Variants in AP4E1 observed in about 807,000 individuals in gnomAD.
AP4E1 encodes the protein AP-4 complex subunit epsilon-1.
In AP4E1, 56 loss-of-function variants were observed where a neutral mutation model predicts 128.2. The observed-to-expected ratio is 0.44, with a 90% CI of 0.35 to 0.55. The LOEUF (loss-of-function observed/expected upper bound fraction) is 0.55. AP4E1 is among the 20% of genes least tolerant of loss of function. The pLI is 0.00. For missense variants in AP4E1, 1,324 were observed against 1,307.7 expected, an observed-to-expected ratio of 1.01 and a Z score of -0.19; for synonymous variants, 484 against 473.1, an observed-to-expected ratio of 1.02 and a Z score of -0.30.
chr15:50,923,784 A>G, intron 3 of AP4E1, 147 bp from the exon 4 acceptor site: 1 of 646,454 alleles, frequency 1.5e-6, no homozygotes, highest in East Asian at 2.8e-5. Flanking sequence ...TTCCTTACTG[A>G]AGGTTTTTAA....
chr15:50,986,178 A>C (rs1336517244), intron 16 of AP4E1, among the ~76,000 whole-genome samples: 1 of 149,796 alleles, frequency 6.7e-6, no homozygotes, highest in East Asian at 2.0e-4. Context: ...ACTTTGCTGA[A>C]GTTGCTTATC....
In AP4E1 at chr15:50,929,175, T is replaced by C. The variant is rs779315997; in HGVS notation, c.702+7T>C. 1.2e-6 allele frequency: 2 copies of C among 1,613,460 alleles called. No homozygotes were observed. The highest frequency in any genetic ancestry group is 3.3e-5 in the Admixed American group (2 of 60,020). On this transcript the variant is annotated splice_region_variant and intron_variant, in intron 6 of 20. Coordinates refer to ENST00000261842, the MANE Select transcript of AP4E1 (RefSeq NM_007347.5). ...ATATCTTAGAATGATTAAGGTAAGT[T>C]GGAAATTTTAGCAAGTACTGAGTAG...
chr15:50,974,704 A>G (rs1462023899), intron 15 of AP4E1, among the ~76,000 whole-genome samples: 2 of 152,098 alleles, frequency 1.3e-5, no homozygotes, highest in East Asian at 3.9e-4. Flanking sequence ...TTCTTTGATA[A>G]TCACCATCCT....
At chr15:50,928,221 A>G (rs919580035) in intron 5 of AP4E1, among the ~76,000 whole-genome samples, 6 of 152,094 alleles carry the variant, frequency 3.9e-5, no homozygotes, top group African/African-American at 1.4e-4. Flanking sequence ...CCAGTGATAT[A>G]TATATATAAA....
chr15:50,921,694 A>G (rs954274990), intron 3 of AP4E1, among the ~76,000 whole-genome samples: 34 of 152,246 alleles, frequency 2.2e-4, no homozygotes, highest in African/African-American at 8.2e-4. Context: ...GCATAGGAAC[A>G]TAAGTCATAG....
intron 16 of AP4E1, among the ~76,000 whole-genome samples, chr15:50,987,968 A>G (rs946611134): frequency 6.6e-6 from 1 of 152,168 alleles, no homozygotes; most frequent in Admixed American, 6.5e-5. Flanking sequence ...CATATTATAT[A>G]TATATATTTA....
intron 15 of AP4E1, among the ~76,000 whole-genome samples, chr15:50,982,067 AAG>A (rs1454573547): frequency 6.9e-6 from 1 of 145,530 alleles, no homozygotes; most frequent in Non-Finnish European, 1.5e-5. Flanking sequence ...CTTGGGCAAT[AAG>A]AGCAAAACTC....
At chr15:50,945,584 T>C (rs1457367927) in intron 10 of AP4E1, 6 of 745,916 alleles carry the variant, frequency 8.0e-6, no homozygotes, top group Non-Finnish European at 1.2e-5. Context: ...GCTATTTGTA[T>C]CTTTCCTATA....
intron 13 of AP4E1, among the ~76,000 whole-genome samples, chr15:50,957,759 A>G (rs1485030920): frequency 6.8e-6 from 1 of 146,108 alleles, no homozygotes; most frequent in Non-Finnish European, 1.5e-5. Context: ...TCACTGCAAC[A>G]TCTGCCTCCC....
At chr15:50,967,072 A>G (rs907816431) in intron 14 of AP4E1, among the ~76,000 whole-genome samples, 1 of 151,914 alleles carries the variant, frequency 6.6e-6, no homozygotes, top group Admixed American at 6.6e-5. Context: ...ATCTCTTATC[A>G]TTTATTCATT....
chr15:50,956,271 A>G (rs1458269923), intron 13 of AP4E1, among the ~76,000 whole-genome samples: 1 of 152,170 alleles, frequency 6.6e-6, no homozygotes, highest in South Asian at 2.1e-4. Flanking sequence ...AAAAATTATC[A>G]TACTGTTTAA....
intron 14 of AP4E1, among the ~76,000 whole-genome samples, chr15:50,962,190 C>A (rs888124154): frequency 2.0e-5 from 3 of 151,962 alleles, no homozygotes; most frequent in Non-Finnish European, 2.9e-5. Flanking sequence ...CCATACTACT[C>A]AAACCAATCT....
Position 50,945,303 on chromosome 15 carries a change from T to C in AP4E1, c.1177-2717T>C, listed in dbSNP as rs2064043274. The C allele has an allele frequency of 3.8e-6, 3 of 781,600 alleles. No individual in the cohort carries two copies. In the South Asian group the frequency reaches 4.0e-5, roughly 10 times the overall value. The allele number at this position is 781,600 out of a possible 1,614,324, so 48.4% of individuals were successfully genotyped here. A position where few individuals can be genotyped will look rare whatever the true frequency, so the allele number is the denominator to read the frequency against. ...AATCGAGACATTTCTCTTGGGAAGT[T>C]TGTGCGTCTGACAGGAATATAGTAC... is the stretch of plus-strand genomic sequence containing the variant. On this transcript the variant is annotated intron_variant, in intron 10 of 20. Transcript: ENST00000261842.
chr15:50,967,434 C>T (rs1238675702), intron 14 of AP4E1, among the ~76,000 whole-genome samples: 1 of 152,162 alleles, frequency 6.6e-6, no homozygotes, highest in Non-Finnish European at 1.5e-5. Flanking sequence ...AATGATAGGG[C>T]CACAAATCAA....
intron 10 of AP4E1, chr15:50,944,983 A>T: frequency 3.9e-6 from 3 of 766,934 alleles, no homozygotes; most frequent in East Asian, 4.9e-5. Context: ...ATACAAGCAC[A>T]TGAAGGCTTT....
chr15:50,948,081 T>C lies in AP4E1; in HGVS notation c.1238T>C (p.Met413Thr), dbSNP rs1209189052. 6.2e-7 allele frequency: 1 copy of C among 1,613,230 alleles called. No homozygotes were observed. Among genetic ancestry groups the C allele is most frequent in the Non-Finnish European group, 8.5e-7 (1 of 1,179,412 alleles). Reference protein sequence around the residue: ...AQNITVIVQKMLEYLHQSKEE... With the variant: ...AQNITVIVQKTLEYLHQSKEE... ...AATATAACAGTTATTGTCCAGAAAA[T>C]GCTTGAATATTTACATCAGAGCAAA... Residue 413 changes from methionine (M) to threonine (T), a missense_variant, in exon 11 of 21, where the codon ATG becomes ACG. By Grantham distance (81) the Met-to-Thr change is moderately conservative. Coordinates refer to ENST00000261842, the MANE Select transcript of AP4E1 (RefSeq NM_007347.5).
At chr15:50,961,237 A>G (rs2064308571) in intron 14 of AP4E1, among the ~76,000 whole-genome samples, 1 of 152,000 alleles carries the variant, frequency 6.6e-6, no homozygotes, top group South Asian at 2.1e-4. Context: ...AGAGGAGGAC[A>G]TTCTTCCTAA....
chr15:50,931,363 T>G lies in AP4E1; in HGVS notation c.869+392T>G, dbSNP rs571933344. Among the ~76,000 whole-genome samples, 104 of 152,220 alleles carry G rather than the reference T, an allele frequency of 6.8e-4. 2 individuals carry two copies. Among genetic ancestry groups the G allele is most frequent in the African/African-American group, 2.4e-3 (101 of 41,530 alleles). On this transcript the variant is annotated intron_variant, in intron 7 of 20. Transcript: ENST00000261842. ...GTGGCGGATCACAAGGTCAGGAGTTTGAGACCAGCCTGACCAACATTGTGA... is the reference window on the plus strand; with the variant it reads ...GTGGCGGATCACAAGGTCAGGAGTTGGAGACCAGCCTGACCAACATTGTGA...
chr15:50,962,789 G>A (rs778252125), intron 14 of AP4E1, among the ~76,000 whole-genome samples: 1 of 143,718 alleles, frequency 7.0e-6, no homozygotes, highest in Non-Finnish European at 1.5e-5. Flanking sequence ...CACAGCAAAC[G>A]ATACAATCAA....
Sources: gnomAD v4.1 joint callset for allele counts (sites outside exome capture counted in the v4.1 genomes callset) on GRCh38, gnomAD v4.1.1 for gene constraint, MANE v1.5 for transcripts, NCBI Gene and HGNC (gene_info 2026-07-23, HGNC 2026-07-21) for gene names.